Variants in SOX5 observed in about 807,000 individuals in gnomAD.
SOX5 encodes transcription factor SOX-5.
A neutral mutation model predicts 92.0 loss-of-function variants in SOX5; 9 were observed. That is an observed-to-expected ratio of 0.10 (90% confidence interval 0.06 to 0.17). The LOEUF (loss-of-function observed/expected upper bound fraction) is 0.17, where lower values mean the gene tolerates loss of function less well. Ranked by LOEUF, SOX5 falls within the 10% of genes least tolerant of loss-of-function variation. The pLI, the probability that SOX5 is intolerant of heterozygous loss-of-function variation, is 1.00. For synonymous variants in SOX5, 344 were observed against 336.3 expected (o/e 1.02, Z -0.25); for missense variants, 642 against 944.5 (o/e 0.68, Z 4.20).
At chr12:23,891,351 A>C (rs373935995) in intron 2 of SOX5, among the ~76,000 whole-genome samples, 10 of 152,202 alleles carry the variant, frequency 6.6e-5, no homozygotes, top group African/African-American at 2.4e-4. Context: ...AAAGCATCCT[A>C]CTTCCTCAAA....
intron 4 of SOX5, among the ~76,000 whole-genome samples, chr12:23,970,512 T>C (rs956107282): frequency 2.0e-5 from 3 of 152,050 alleles, no homozygotes; most frequent in African/African-American, 7.2e-5. Context: ...AATTTGCCTA[T>C]TATATATACA....
intron 3 of SOX5, among the ~76,000 whole-genome samples, chr12:24,276,388 A>G (rs1361566380): frequency 1.3e-5 from 2 of 152,164 alleles, no homozygotes; most frequent in Non-Finnish European, 1.5e-5. Context: ...ATAAGTCATA[A>G]CACTGTAAGA....
intron 1 of SOX5, among the ~76,000 whole-genome samples, chr12:23,906,175 C>T (rs1200002252): frequency 3.3e-5 from 5 of 152,108 alleles, no homozygotes; most frequent in Admixed American, 1.3e-4. Context: ...TGTCATTAAT[C>T]GCAAACTGAA....
intron 3 of SOX5, among the ~76,000 whole-genome samples, chr12:24,271,690 T>A (rs190097703): frequency 6.6e-6 from 1 of 152,230 alleles, no homozygotes; most frequent in Non-Finnish European, 1.5e-5. Context: ...ATTTTTTACA[T>A]GGAAAATGAA....
chr12:24,206,976 C>A (rs1380630064), intron 4 of SOX5, among the ~76,000 whole-genome samples: 2 of 152,190 alleles, frequency 1.3e-5, no homozygotes. Context: ...TGGGGACACC[C>A]CAGGCAAGCA....
chr12:23,873,459 T>G (rs1239409973), intron 2 of SOX5, among the ~76,000 whole-genome samples: 2 of 152,132 alleles, frequency 1.3e-5, no homozygotes, highest in Non-Finnish European at 2.9e-5. Context: ...GGTGACAAGG[T>G]AAGACCCTGT....
chr12:24,344,611 G>A (rs1292645281), intron 2 of SOX5, among the ~76,000 whole-genome samples: 1 of 152,074 alleles, frequency 6.6e-6, no homozygotes, highest in African/African-American at 2.4e-5. Flanking sequence ...AATGACTATC[G>A]TTCTCACCAG....
At position 24,542,189 on chromosome 12, in the gene SOX5, C is replaced by T. The variant is rs144861796; in HGVS notation, c.-251+20140G>A. ...CAGCCTTGGCCCTTCTTTTCTGTGC[C>T]CTGGCCACACTGCTCTCTTGATCCC... On this transcript the variant is annotated intron_variant, in intron 1 of 4. Coordinates refer to the SOX5 transcript ENST00000446891. 4.0e-3 allele frequency among the ~76,000 whole-genome samples: 602 copies of T among 152,312 alleles called. 1 individual carries two copies. In the Middle Eastern group the frequency reaches 0.048, roughly 12 times the overall value.
At chr12:23,582,138 T>C (rs1228348766) in intron 9 of SOX5, 2 of 985,052 alleles carry the variant, frequency 2.0e-6, no homozygotes, top group Non-Finnish European at 2.4e-6. Flanking sequence ...CTGAATTGCA[T>C]AATGTGCACT....
intron 1 of SOX5, among the ~76,000 whole-genome samples, chr12:24,412,165 C>T (rs183506075): frequency 2.0e-5 from 3 of 151,988 alleles, no homozygotes; most frequent in East Asian, 3.9e-4. Flanking sequence ...TTACTGATAT[C>T]GATAACTTGT....
intron 11 of SOX5, among the ~76,000 whole-genome samples, chr12:23,554,980 G>A (rs560814734): frequency 6.6e-6 from 1 of 152,080 alleles, no homozygotes; most frequent in Non-Finnish European, 1.5e-5. Flanking sequence ...GGAAAAGAAA[G>A]ACCACTCTTT....
chr12:23,838,764 T>C (rs2096468446), intron 3 of SOX5, among the ~76,000 whole-genome samples: 1 of 151,396 alleles, frequency 6.6e-6, no homozygotes, highest in African/African-American at 2.4e-5. Flanking sequence ...GGACGCGCTA[T>C]TGCTCTATTT....
At chr12:23,773,927 CAG>C (rs1320011231) in intron 3 of SOX5, among the ~76,000 whole-genome samples, 1 of 152,080 alleles carries the variant, frequency 6.6e-6, no homozygotes, top group South Asian at 2.1e-4. Context: ...AAGAAAACTT[CAG>C]AGTCAGTCAA....
At chr12:24,321,232 G>A (rs867104394) in intron 2 of SOX5, among the ~76,000 whole-genome samples, 6 of 152,316 alleles carry the variant, frequency 3.9e-5, no homozygotes, top group Middle Eastern at 6.8e-3. Flanking sequence ...TGAGAGGTGT[G>A]TAGCCAATGT....
In SOX5 at chr12:24,114,573, CAAAAAAAAAAAAAAA is replaced by C. The variant is rs55913110; in HGVS notation, c.-2+98755_-2+98769del. Among the ~76,000 whole-genome samples, 14 of 40,598 alleles carry C rather than the reference CAAAAAAAAAAAAAAA, an allele frequency of 3.4e-4. 1 individual carries two copies. The highest frequency in any genetic ancestry group is 1.8e-3 in the Admixed American group (4 of 2,262). The allele number at this position is 40,598 out of a possible 152,430, so 26.6% of individuals were successfully genotyped here. ...CCTGGTGACAGGGCACACCCCGTCA[CAAAAAAAAAAAAAAA>C]AAAAAAAAAAAAAAAAATTAACAGA... On this transcript the variant is annotated intron_variant, in intron 4 of 4. Transcript: ENST00000446891.
intron 3 of SOX5, among the ~76,000 whole-genome samples, chr12:24,231,329 A>G (rs778947973): frequency 6.6e-6 from 1 of 152,202 alleles, no homozygotes; most frequent in Non-Finnish European, 1.5e-5. Context: ...AAACAAGCAA[A>G]TCCCCCAGGA....
intron 8 of SOX5, among the ~76,000 whole-genome samples, chr12:23,617,733 G>A (rs1033157397): frequency 9.9e-5 from 15 of 152,152 alleles, no homozygotes; most frequent in African/African-American, 3.1e-4. Flanking sequence ...TCAAATGCAC[G>A]GGGTTTTAAA....
chr12:23,585,305 T>C, intron 9 of SOX5, among the ~76,000 whole-genome samples: 1 of 152,166 alleles, frequency 6.6e-6, no homozygotes, highest in East Asian at 1.9e-4. Context: ...TCTTAAGAGT[T>C]GAAAGTTTGA....
chr12:24,553,072 T>C (rs11047494), intron 1 of SOX5, among the ~76,000 whole-genome samples: 3,632 of 152,256 alleles, frequency 0.024, 63 homozygotes, highest in South Asian at 0.071. Context: ...AGAGATCACT[T>C]TACAGCAAAG....
Sources: gnomAD v4.1 joint callset for allele counts (sites outside exome capture counted in the v4.1 genomes callset) on GRCh38, gnomAD v4.1.1 for gene constraint, MANE v1.5 for transcripts, NCBI Gene and HGNC (gene_info 2026-07-23, HGNC 2026-07-21) for gene names.